Variants in RSAD1 observed in about 807,000 individuals in gnomAD.
The protein encoded by RSAD1 is radical S-adenosyl methionine domain containing 1.
Under a neutral mutation model 46.2 loss-of-function variants are expected in RSAD1, and 34 were observed. The ratio of observed to expected loss-of-function variants is 0.74; its 90% CI spans 0.56 to 0.98. RSAD1 has a LOEUF of 0.98. Among genes scored for constraint, RSAD1 ranks in the 50% least tolerant of loss-of-function variants. The pLI is 0.00. For missense variants in RSAD1, 635 were observed against 592.3 expected, an observed-to-expected ratio of 1.07 and a Z score of -0.75; for synonymous variants, 260 against 253.5, an observed-to-expected ratio of 1.03 and a Z score of -0.24.
At position 50,484,843 on chromosome 17, in the gene RSAD1, C is replaced by A; in HGVS notation, c.1311C>A (p.Ser437=). 1 of 1,613,950 alleles carries A rather than the reference C, an allele frequency of 6.2e-7. No individual in the cohort carries two copies. Among genetic ancestry groups the A allele is most frequent in the African/African-American group, 1.3e-5 (1 of 75,030 alleles). Residue 437 remains serine (S), a synonymous_variant, in exon 9 of 9, where the codon TCC becomes TCA. Transcript: ENST00000258955. ...LQEAWQQRTP[S]PVPGG is the part of the protein sequence containing the mutation. ...AAGCCTGGCAGCAGAGAACCCCCTC[C>A]CCTGTGCCAGGAGGATGACAAAAAT...
At chr17:50,479,233 C>T (rs2033348440) in intron 1 of RSAD1, 6 of 521,678 alleles carry the variant, frequency 1.2e-5, no homozygotes, top group Non-Finnish European at 1.9e-5. Context: ...GGCTCGGTGA[C>T]TCTGACCAAA....
At chr17:50,484,418 C>G (rs1485240727) in intron 7 of RSAD1, 24 bp from the exon 8 acceptor site, 1 of 1,608,962 alleles carries the variant, frequency 6.2e-7, no homozygotes, top group Non-Finnish European at 8.5e-7. Context: ...CAGCTCCCCA[C>G]CTCTGACCCT....
intron 7 of RSAD1, chr17:50,484,223 A>C: frequency 1.8e-6 from 1 of 547,168 alleles, no homozygotes; most frequent in Non-Finnish European, 3.3e-6. Context: ...GCATAGAGGA[A>C]GGCCTGGCTT....
chr17:50,484,056 T>G, intron 7 of RSAD1: 1 of 484,702 alleles, frequency 2.1e-6, no homozygotes, highest in Non-Finnish European at 3.6e-6. Context: ...TGTGAAGCAA[T>G]AGATAGATAA....
At position 50,484,520 on chromosome 17, in the gene RSAD1, C is replaced by T. The variant is rs374320081; in HGVS notation, c.1186C>T (p.Arg396Trp). Residue 396 changes from arginine to tryptophan, a missense_variant, in exon 8 of 9, where the codon CGG becomes TGG. Transcript: ENST00000258955. ...CAAGGAGGTGCAGGAGCTGCTGGAG[C>T]GGGGCCTACTGCAGCTGGATCACAG... The part of the protein sequence containing the change: ...ANKEVQELLE[R>W]GLLQLDHRGL... 9.9e-6 allele frequency: 16 copies of T among 1,613,268 alleles called. No homozygotes were observed. Among genetic ancestry groups the T allele is most frequent in the South Asian group, 7.7e-5 (7 of 91,088 alleles).
rs114723630 is a variant in RSAD1, at chr17:50,483,533, C to T, written c.1052+46C>T. The T allele has an allele frequency of 1.0e-3, 1,637 of 1,603,316 alleles. 19 individuals carry two copies. In the African/African-American group the frequency reaches 0.019, roughly 19 times the overall value. On this transcript the variant is annotated intron_variant, in intron 6 of 8. Transcript: ENST00000258955. ...GGCTCTCCTCCAGGATCCCCACACC[C>T]CAAGACCATGTCTATTTGTATATCT...
chr17:50,479,111 C>T (rs1367214688), intron 1 of RSAD1, 92 bp downstream of exon 1: 2 of 1,231,450 alleles, frequency 1.6e-6, no homozygotes, highest in East Asian at 3.2e-5. Context: ...GTTTGTCACT[C>T]TATGAACCCG....
At position 50,482,183 on chromosome 17, in the gene RSAD1, C is replaced by T. The variant is rs373078035; in HGVS notation, c.567C>T (p.Pro189=). The T allele has an allele frequency of 9.6e-5, 152 of 1,578,636 alleles. No individual in the cohort carries two copies. In the African/African-American group the frequency reaches 1.5e-3, roughly 15 times the overall value. ...RTLAEARRLF[P]GRVSVDLMLG... is the part of the protein sequence containing the mutation. The stretch of plus-strand genomic sequence containing the variant: ...TGGCAGAGGCCCGGCGCCTCTTTCC[C>T]GGGCGCGTGTCTGTAGACTTGATGC... Residue 189 remains proline, a synonymous_variant, in exon 4 of 9, where the codon CCC becomes CCT. Transcript: ENST00000258955.
At chr17:50,483,604 TG>T in intron 6 of RSAD1, 101 bp from the exon 7 acceptor site, 1 of 1,591,216 alleles carries the variant, frequency 6.3e-7, no homozygotes, top group Non-Finnish European at 8.6e-7. Context: ...ACATACTGTA[TG>T]GTCCCTGTTA....
chr17:50,479,354 A>G lies in RSAD1; in HGVS notation c.136-275A>G, dbSNP rs117179855. The G allele has an allele frequency of 2.4e-3, 1,190 of 498,650 alleles. 28 individuals carry two copies. The East Asian group carries it at 0.037, about 16-fold the overall frequency. The allele number at this position is 498,650 out of a possible 1,614,324, so 30.9% of individuals were successfully genotyped here. A position where few individuals can be genotyped will look rare whatever the true frequency, so the allele number is the denominator to read the frequency against. ...CTCATAGGAAAATTGTATGAAAATT[A>G]TATGATCCCAGAAAGAGCTTGGGTT... is the stretch of plus-strand genomic sequence containing the variant. On this transcript the variant is annotated intron_variant, in intron 1 of 8. Transcript: ENST00000258955.
In RSAD1 at chr17:50,479,890, G is replaced by C. The variant is rs746067432; in HGVS notation, c.280G>C (p.Val94Leu). 9.9e-6 allele frequency: 16 copies of C among 1,612,694 alleles called. No individual in the cohort carries two copies. The highest frequency in any genetic ancestry group is 2.7e-5 in the African/African-American group (2 of 74,892). The part of the protein sequence containing the change: ...RLSGVQRVES[V>L]FFGGGTPSLA... ...ATTCTCTTTCCCCAGGGTGGAGTCT[G>C]TGTTCTTTGGTGGGGGGACCCCCAG... is the stretch of plus-strand genomic sequence containing the variant. The change falls in exon 3 of 9, where the codon GTG becomes CTG. Residue 94 changes from valine (V) to leucine (L), a missense_variant. By Grantham distance (32) the Val-to-Leu change is conservative. Coordinates refer to ENST00000258955, the MANE Select transcript of RSAD1 (RefSeq NM_018346.3).
rs774812561 is a variant in RSAD1, at chr17:50,479,724, C to T, written c.231C>T (p.Thr77=). 19 of 1,612,748 alleles carry T rather than the reference C, an allele frequency of 1.2e-5. No individual in the cohort carries two copies. The highest frequency in any genetic ancestry group is 1.6e-4 in the Middle Eastern group (1 of 6,084). Residue 77 remains threonine (T), a synonymous_variant, in exon 2 of 9, where the codon ACC becomes ACT. Coordinates refer to ENST00000258955, the MANE Select transcript of RSAD1 (RefSeq NM_018346.3). ...CTGCCATGCAGAAGTGTCTGGTGAC[C>T]GAAGCTCAGACGCTGCTGCGGCTCA... is the stretch of plus-strand genomic sequence containing the variant. The part of the protein sequence containing the change: ...EEAAMQKCLV[T]EAQTLLRLSG...
chr17:50,480,214 G>A (rs1245113173), intron 3 of RSAD1, 130 bp downstream of exon 3: 3 of 851,848 alleles, frequency 3.5e-6, no homozygotes, highest in Admixed American at 2.1e-5. Flanking sequence ...GTAGGGCCTA[G>A]TGCGACACTT....
chr17:50,479,085 C>T, intron 1 of RSAD1, 66 bp downstream of exon 1: 3 of 1,269,206 alleles, frequency 2.4e-6, no homozygotes, highest in South Asian at 2.8e-5. Flanking sequence ...CGTGGCCGTC[C>T]AAAACCCAGG....
At chr17:50,484,664 C>G (rs1201120410) in intron 8 of RSAD1, 80 bp from the exon 9 acceptor site, 2 of 1,519,914 alleles carry the variant, frequency 1.3e-6, no homozygotes, top group African/African-American at 2.7e-5. Flanking sequence ...CCTGCGGGTG[C>G]TGGGAGCTCG....
At chr17:50,481,477 T>C (rs1471963949) in intron 3 of RSAD1, among the ~76,000 whole-genome samples, 1 of 152,256 alleles carries the variant, frequency 6.6e-6, no homozygotes, top group Non-Finnish European at 1.5e-5. Context: ...AAGTTAAGTT[T>C]AATTCACTTA....
At chr17:50,479,136 G>A (rs2033347402) in intron 1 of RSAD1, 117 bp downstream of exon 1, 3 of 1,141,164 alleles carry the variant, frequency 2.6e-6, no homozygotes, top group Non-Finnish European at 3.3e-6. Context: ...CCGTGTTTCC[G>A]TGCCCCCGTA....
chr17:50,484,672 T>G (rs1039010041), intron 8 of RSAD1, 72 bp from the exon 9 acceptor site: 1 of 1,532,406 alleles, frequency 6.5e-7, no homozygotes, highest in African/African-American at 1.4e-5. Context: ...TGCTGGGAGC[T>G]CGGCCCTGCT....
chr17:50,479,627 A>G lies in RSAD1; in HGVS notation c.136-2A>G, dbSNP rs2033354184. The stretch of plus-strand genomic sequence containing the variant: ...CCGCGCACGTGCACTCACTGCCCCC[A>G]GTGGCCTTACTGCGAGAAGCGCTGC... On this transcript the variant is annotated splice_acceptor_variant, in intron 1 of 8. Coordinates refer to ENST00000258955, the MANE Select transcript of RSAD1 (RefSeq NM_018346.3). LOFTEE classifies it high-confidence loss of function. 5 of 1,613,590 alleles carry G rather than the reference A, an allele frequency of 3.1e-6. No individual in the cohort carries two copies. Among genetic ancestry groups the G allele is most frequent in the South Asian group, 1.1e-5 (1 of 91,068 alleles).
Sources: gnomAD v4.1 joint callset for allele counts (sites outside exome capture counted in the v4.1 genomes callset) on GRCh38, gnomAD v4.1.1 for gene constraint, MANE v1.5 for transcripts, NCBI Gene and HGNC (gene_info 2026-07-23, HGNC 2026-07-21) for gene names.